CCDC7: variants seen among roughly 807,000 people sequenced by gnomAD.
CCDC7 encodes the protein coiled-coil domain-containing protein 7.
In CCDC7, 183 loss-of-function variants were observed where a neutral mutation model predicts 196.9. The ratio of observed to expected loss-of-function variants is 0.93; its 90% CI spans 0.82 to 1.05. The LOEUF is 1.05. CCDC7 is among the 50% of genes least tolerant of loss of function. CCDC7 has a pLI of 0.00. For synonymous variants in CCDC7, 525 were observed against 484.6 expected (o/e 1.08, Z -1.10); for missense variants, 1,540 against 1,482.2 (o/e 1.04, Z -0.64).
intron 20 of CCDC7, among the ~76,000 whole-genome samples, chr10:32,637,616 T>A (rs897021751): frequency 8.5e-5 from 13 of 152,228 alleles, no homozygotes; most frequent in African/African-American, 3.1e-4. Context: ...GGTACCATGC[T>A]CTTTTGGTTA....
intron 24 of CCDC7, among the ~76,000 whole-genome samples, chr10:32,707,470 G>GGGC (rs1416805541): frequency 1.3e-5 from 2 of 152,132 alleles, no homozygotes; most frequent in Non-Finnish European, 2.9e-5. Context: ...GTTCTGGCCC[G>GGGC]GGCAATCAGG....
chr10:32,621,911 C>T (rs1009840086), intron 18 of CCDC7, among the ~76,000 whole-genome samples: 1 of 152,288 alleles, frequency 6.6e-6, no homozygotes, highest in East Asian at 1.9e-4. Flanking sequence ...CCCTTACAGA[C>T]ACACTGAGAA....
intron 18 of CCDC7, among the ~76,000 whole-genome samples, chr10:32,625,035 TC>T (rs1386417689): frequency 1.4e-5 from 2 of 138,602 alleles, no homozygotes; most frequent in Non-Finnish European, 3.2e-5. Context: ...CTGCAGAGGT[TC>T]TACTTGTTTA....
intron 18 of CCDC7, among the ~76,000 whole-genome samples, chr10:32,593,936 G>A (rs1399587778): frequency 6.6e-6 from 1 of 152,140 alleles, no homozygotes; most frequent in Non-Finnish European, 1.5e-5. Flanking sequence ...GTACCATGCT[G>A]TTTTGGTTAC....
intron 5 of CCDC7, 74 bp from the exon 7 acceptor site, chr10:32,470,989 AG>A: frequency 7.5e-7 from 1 of 1,339,662 alleles, no homozygotes; most frequent in Non-Finnish European, 9.9e-7. Flanking sequence ...TTAATAAAGG[AG>A]ATAATGAAAT....
At chr10:32,614,627 T>C (rs2062575459) in intron 18 of CCDC7, among the ~76,000 whole-genome samples, 1 of 152,182 alleles carries the variant, frequency 6.6e-6, no homozygotes, top group African/African-American at 2.4e-5. Context: ...CTGAACATTG[T>C]ACCAAATAGG....
intron 25 of CCDC7, among the ~76,000 whole-genome samples, chr10:32,715,139 A>G (rs4459185): frequency 0.085 from 13,011 of 152,210 alleles, 875 homozygotes; most frequent in South Asian, 0.25. Context: ...GACACCTCAT[A>G]CAGGAGAGCT....
At chr10:32,756,888 A>G (rs1043255701) in intron 28 of CCDC7, among the ~76,000 whole-genome samples, 1 of 152,224 alleles carries the variant, frequency 6.6e-6, no homozygotes, top group African/African-American at 2.4e-5. Context: ...TAGGCTCAAA[A>G]TAAAGGGATG....
chr10:32,707,011 C>A (rs936719615), intron 24 of CCDC7, among the ~76,000 whole-genome samples: 6 of 152,230 alleles, frequency 3.9e-5, no homozygotes, highest in African/African-American at 1.4e-4. Context: ...GGCAGAGACA[C>A]AACAAAAGAA....
chr10:32,454,191 G>C (rs2033787108), intron 2 of CCDC7, among the ~76,000 whole-genome samples: 1 of 152,176 alleles, frequency 6.6e-6, no homozygotes, highest in Admixed American at 6.5e-5. Flanking sequence ...AGCTAAGGTA[G>C]GAGGGGAGAA....
intron 28 of CCDC7, among the ~76,000 whole-genome samples, chr10:32,760,775 CA>C (rs56959291): frequency 0.11 from 15,815 of 149,350 alleles, 1,026 homozygotes; most frequent in South Asian, 0.25. Flanking sequence ...AAAGATATTA[CA>C]AAAAAAAAGA....
intron 8 of CCDC7, among the ~76,000 whole-genome samples, chr10:32,485,903 T>A (rs911700398): frequency 6.6e-6 from 1 of 152,146 alleles, no homozygotes; most frequent in African/African-American, 2.4e-5. Flanking sequence ...TGCTGAGGAG[T>A]GCTTTACTTC....
intron 11 of CCDC7, among the ~76,000 whole-genome samples, chr10:32,542,399 G>A (rs1201344667): frequency 9.9e-5 from 15 of 152,072 alleles, no homozygotes; most frequent in African/African-American, 3.6e-4. Flanking sequence ...TTGGGAGGCC[G>A]AGGCGGGCGG....
chr10:32,749,631 G>T (rs562874528), intron 28 of CCDC7, among the ~76,000 whole-genome samples: 20 of 152,094 alleles, frequency 1.3e-4, no homozygotes, highest in Non-Finnish European at 2.6e-4. Flanking sequence ...AAATATTTTT[G>T]TCCAGTTAAA....
chr10:32,455,416 G>A (rs566378767), intron 2 of CCDC7, among the ~76,000 whole-genome samples: 1 of 152,192 alleles, frequency 6.6e-6, no homozygotes, highest in Non-Finnish European at 1.5e-5. Flanking sequence ...CTGGATTCAA[G>A]CGCTTTTCGT....
intron 21 of CCDC7, among the ~76,000 whole-genome samples, chr10:32,675,065 T>G (rs1271745917): frequency 6.6e-6 from 1 of 152,128 alleles, no homozygotes; most frequent in African/African-American, 2.4e-5. Context: ...CTCTGTATCT[T>G]TTGAATGTTA....
chr10:32,779,214 CTCAA>C, intron 29 of CCDC7, 130 bp downstream of exon 30: 2 of 627,544 alleles, frequency 3.2e-6, no homozygotes, highest in Non-Finnish European at 2.6e-6. Flanking sequence ...GTTCATTCTA[CTCAA>C]TCAATCTACA....
intron 41 of CCDC7, among the ~76,000 whole-genome samples, chr10:32,864,238 G>C (rs2094123212): frequency 6.6e-6 from 1 of 151,678 alleles, no homozygotes; most frequent in Non-Finnish European, 1.5e-5. Context: ...AAGAAAAAAG[G>C]AGAGGGTTGG....
chr10:32,699,937 G>C lies in CCDC7; in HGVS notation c.2458+4945G>C, dbSNP rs185253433. Among the ~76,000 whole-genome samples the C allele has an allele frequency of 8.7e-5, 13 of 149,308 alleles. 2 individuals are homozygous for C. Among genetic ancestry groups the C allele is most frequent in the African/African-American group, 2.3e-4 (9 of 38,792 alleles). ...TCTTGTAAATTTGTTTGAGTTCATC[G>C]TAGATTCTGGATATTAGCCCTTTGT... On this transcript the variant is annotated intron_variant, in intron 24 of 41. Coordinates refer to ENST00000639629, the Ensembl canonical transcript of CCDC7.
Sources: allele counts gnomAD v4.1 joint callset (sites outside exome capture counted in the v4.1 genomes callset), GRCh38; gene constraint gnomAD v4.1.1; transcripts MANE v1.5; gene names NCBI Gene and HGNC (gene_info 2026-07-23, HGNC 2026-07-21).